The following AFF2 variants were observed in gnomAD, a reference collection of about 807,000 sequenced individuals.
AFF2 encodes the protein ALF transcription elongation factor 2, also known as AF4/FMR2 family member 2.
A neutral mutation model predicts 76.9 loss-of-function variants in AFF2; 14 were observed. That is an observed-to-expected ratio of 0.18 (90% CI 0.12 to 0.28). The LOEUF is 0.28. AFF2 is among the 10% of genes least tolerant of loss of function. The pLI, the probability that AFF2 is intolerant of heterozygous loss-of-function variation, is 1.00. For missense variants in AFF2, 868 were observed against 1,001.1 expected, an observed-to-expected ratio of 0.87 and a Z score of 1.79; for synonymous variants, 398 against 366.7, an observed-to-expected ratio of 1.09 and a Z score of -0.98.
intron 9 of AFF2, among the ~76,000 whole-genome samples, chrX:148,914,930 C>T (rs191571893): frequency 2.4e-4 from 27 of 112,313 alleles, no homozygotes; most frequent in Admixed American, 2.3e-3. Context: ...ATGATGCATG[C>T]CCCCATGGTG....
intron 1 of AFF2, among the ~76,000 whole-genome samples, chrX:148,560,129 GT>G (rs2053094735): frequency 9.0e-6 from 1 of 110,907 alleles, no homozygotes; most frequent in Non-Finnish European, 1.9e-5. Flanking sequence ...GGGGTTGTTT[GT>G]TTTTTTCTTC....
At chrX:148,664,967 G>T (rs1301452067) in intron 3 of AFF2, among the ~76,000 whole-genome samples, 1 of 112,114 alleles carries the variant, frequency 8.9e-6, no homozygotes, top group Non-Finnish European at 1.9e-5. Context: ...AATCAAAAAA[G>T]AGATCTGCTT....
intron 3 of AFF2, among the ~76,000 whole-genome samples, chrX:148,720,697 G>T (rs1412605538): frequency 9.0e-6 from 1 of 111,691 alleles, no homozygotes; most frequent in Non-Finnish European, 1.9e-5. Flanking sequence ...ACAGATATTT[G>T]TCATGCTATT....
At chrX:148,873,490 G>T (rs2071002395) in intron 7 of AFF2, among the ~76,000 whole-genome samples, 1 of 106,771 alleles carries the variant, frequency 9.4e-6, no homozygotes, top group Admixed American at 1.0e-4. Flanking sequence ...AGTTTCCAGG[G>T]TTCCTTATAA....
chrX:148,780,620 A>C (rs145799874), intron 3 of AFF2, among the ~76,000 whole-genome samples: 1 of 111,374 alleles, frequency 9.0e-6, no homozygotes, highest in African/African-American at 3.3e-5. Flanking sequence ...GTTCTTCTCT[A>C]AACCGGTTAT....
intron 1 of AFF2, among the ~76,000 whole-genome samples, chrX:148,643,828 G>A (rs782218159): frequency 1.8e-5 from 2 of 111,859 alleles, no homozygotes; most frequent in East Asian, 5.7e-4. Flanking sequence ...AGCAGTCAGG[G>A]ATATTGGACC....
intron 4 of AFF2, among the ~76,000 whole-genome samples, chrX:148,824,256 C>T (rs73605999): frequency 0.01 from 1,147 of 111,335 alleles, 10 homozygotes; most frequent in African/African-American, 0.036. Context: ...TGCACAGGGG[C>T]TTGAGATCTG....
In AFF2 at chrX:148,996,815, C is replaced by G. The variant is rs1305418753; in HGVS notation, c.*5483C>G. On this transcript the variant is annotated 3_prime_UTR_variant, in exon 21 of 21. Transcript: ENST00000370460. ...ATATCTCACAGGTAAAATGGGCACT[C>G]AGAAAACCCTCACGATTGATTTTTT... 3 of 111,862 alleles carry G rather than the reference C, an allele frequency of 2.7e-5. No homozygotes were observed. The highest frequency in any genetic ancestry group is 9.8e-5 in the African/African-American group (3 of 30,678). The allele number at this position is 111,862 out of a possible 1,213,427, so 9.2% of individuals were successfully genotyped here.
chrX:148,514,981 T>C (rs1419069642), intron 1 of AFF2, among the ~76,000 whole-genome samples: 2 of 112,262 alleles, frequency 1.8e-5, no homozygotes, highest in African/African-American at 6.5e-5. Context: ...GCTTTCTGAA[T>C]TTTTTCTAAA....
At chrX:148,837,626 T>G (rs781959403) in intron 4 of AFF2, 21 bp from the exon 5 acceptor site, 100 of 997,178 alleles carry the variant, frequency 1.0e-4, no homozygotes, top group Non-Finnish European at 6.3e-5. Flanking sequence ...GAAATAAAGT[T>G]TCTTTATTTT....
At chrX:148,562,605 G>T (rs781991521) in intron 1 of AFF2, among the ~76,000 whole-genome samples, 1 of 112,238 alleles carries the variant, frequency 8.9e-6, no homozygotes, top group South Asian at 3.7e-4. Context: ...GGAAACCAAG[G>T]CTAGAGACAT....
chrX:148,963,421 A>G (rs782152025), intron 13 of AFF2, among the ~76,000 whole-genome samples: 1 of 112,059 alleles, frequency 8.9e-6, no homozygotes, highest in South Asian at 3.8e-4. Context: ...TAACTCTTGT[A>G]TAGTGCTAGC....
At chrX:148,696,305 G>C (rs941474587) in intron 3 of AFF2, among the ~76,000 whole-genome samples, 5 of 109,364 alleles carry the variant, frequency 4.6e-5, no homozygotes, top group East Asian at 5.8e-4. Flanking sequence ...GTTGTGGGGT[G>C]GGGGGAGAGG....
chrX:148,793,654 A>G (rs1404322724), intron 3 of AFF2, among the ~76,000 whole-genome samples: 1 of 111,790 alleles, frequency 8.9e-6, no homozygotes, highest in East Asian at 2.8e-4. Flanking sequence ...ATCCCCTGTC[A>G]TGAGAGTCAT....
At chrX:148,572,989 A>G (rs1557242773) in intron 1 of AFF2, among the ~76,000 whole-genome samples, 5 of 111,268 alleles carry the variant, frequency 4.5e-5, no homozygotes, top group Admixed American at 2.9e-4. Context: ...TGAAACAGCA[A>G]CTAGATATAT....
intron 1 of AFF2, among the ~76,000 whole-genome samples, chrX:148,544,377 C>T (rs1427382315): frequency 9.0e-6 from 1 of 111,683 alleles, no homozygotes; most frequent in East Asian, 2.8e-4. Context: ...CCCAAGGAAA[C>T]AAGCAGGTTT....
intron 1 of AFF2, among the ~76,000 whole-genome samples, chrX:148,532,301 G>A (rs782242125): frequency 8.9e-6 from 1 of 112,099 alleles, no homozygotes; most frequent in Non-Finnish European, 1.9e-5. Flanking sequence ...TGGATTCCAT[G>A]CCATTTTTTA....
intron 1 of AFF2, among the ~76,000 whole-genome samples, chrX:148,558,046 A>G (rs951075215): frequency 2.2e-4 from 25 of 112,044 alleles, no homozygotes; most frequent in Non-Finnish European, 4.5e-4. Flanking sequence ...TTTGATAAAC[A>G]CATGCATCCT....
At chrX:148,902,487 C>G (rs1317848575) in intron 8 of AFF2, among the ~76,000 whole-genome samples, 4 of 111,810 alleles carry the variant, frequency 3.6e-5, no homozygotes, top group African/African-American at 1.3e-4. Flanking sequence ...AAAAAAAAGG[C>G]AGATGTGAGT....
Sources: gnomAD v4.1 joint callset for allele counts (sites outside exome capture counted in the v4.1 genomes callset) on GRCh38, gnomAD v4.1.1 for gene constraint, MANE v1.5 for transcripts, NCBI Gene and HGNC (gene_info 2026-07-23, HGNC 2026-07-21) for gene names.